Variants in TMEM218 observed in about 807,000 individuals in gnomAD.
TMEM218 encodes the protein transmembrane protein 218.
In TMEM218, 8 loss-of-function variants were observed where a neutral mutation model predicts 10.0. The observed-to-expected ratio is 0.80, with a 90% CI of 0.47 to 1.44. The LOEUF (loss-of-function observed/expected upper bound fraction) is 1.44, where lower values mean the gene tolerates loss of function less well. Ranked by LOEUF, TMEM218 falls within the 40% of genes most tolerant of loss-of-function variation. The probability of loss-of-function intolerance (pLI) is 0.00; values close to 1 mark genes in which losing one functional copy is unlikely to be tolerated. For missense variants in TMEM218, 110 were observed against 140.1 expected, an observed-to-expected ratio of 0.79 and a Z score of 1.08; for synonymous variants, 66 against 63.5, an observed-to-expected ratio of 1.04 and a Z score of -0.18.
At chr11:125,099,593 A>G (rs1950311786) in intron 4 of TMEM218, among the ~76,000 whole-genome samples, 1 of 152,226 alleles carries the variant, frequency 6.6e-6, no homozygotes, top group Non-Finnish European at 1.5e-5. Flanking sequence ...TGCAGCATCC[A>G]GAAATGTGGC....
chr11:125,103,670 G>T (rs1951422369), intron 1 of TMEM218: 2 of 152,272 alleles, frequency 1.3e-5, no homozygotes, highest in Non-Finnish European at 1.5e-5. Context: ...CAAGGTCATG[G>T]TCACAGATTC....
chr11:125,106,544 A>G (rs73012272), intron 1 of TMEM218, among the ~76,000 whole-genome samples: 2 of 152,364 alleles, frequency 1.3e-5, no homozygotes, highest in South Asian at 4.1e-4. Context: ...TAAACACTTG[A>G]GAAAGAGGAT....
rs1949659341 is a variant in TMEM218, at chr11:125,096,427, C to G, written c.*1179G>C. On this transcript the variant is annotated 3_prime_UTR_variant, in exon 5 of 5. Coordinates refer to ENST00000682305, the MANE Select transcript of TMEM218 (RefSeq NM_001258244.2). ...GAGACAAGCCCTGGGGCCTACCACA[C>G]CTGGGTTTGCACACTGGCTGTTAGG... 6.6e-6 allele frequency: 1 copy of G among 152,180 alleles called. No homozygotes were observed. The highest frequency in any genetic ancestry group is 6.5e-5 in the Admixed American group (1 of 15,288). The allele number at this position is 152,180 out of a possible 1,614,324, so 9.4% of individuals were successfully genotyped here.
rs7030 is a variant in TMEM218 at position 125,097,259 on chromosome 11, G to T, written c.*347C>A. 0.29 allele frequency: 50,756 copies of T among 174,314 alleles called. 7,573 individuals are homozygous for T. The highest frequency in any genetic ancestry group is 0.36 in the South Asian group (1,806 of 5,018). 10.8% of individuals were successfully genotyped at this position (174,314 alleles called of 1,614,324 possible). On this transcript the variant is annotated 3_prime_UTR_variant, in exon 5 of 5. Coordinates refer to ENST00000682305, the MANE Select transcript of TMEM218 (RefSeq NM_001258244.2). ...ATTATCAAAAAGAACCAGAAGCCCA[G>T]GTGCTTTTTTCCCCAAAATCCACTT...
intron 1 of TMEM218, among the ~76,000 whole-genome samples, chr11:125,109,251 T>C (rs1591432244): frequency 6.6e-6 from 1 of 152,288 alleles, no homozygotes. Context: ...ATACTACTTG[T>C]ATTTTTAAAA....
At chr11:125,103,630 A>C (rs1179519561) in intron 1 of TMEM218, 2 of 152,168 alleles carry the variant, frequency 1.3e-5, no homozygotes, top group Non-Finnish European at 2.9e-5. Context: ...TGCTTAACTT[A>C]ATTAAATCTG....
intron 4 of TMEM218, among the ~76,000 whole-genome samples, chr11:125,099,004 G>T (rs760575677): frequency 1.3e-5 from 2 of 152,218 alleles, no homozygotes; most frequent in African/African-American, 4.8e-5. Flanking sequence ...CTTGGTTTTA[G>T]CCCAGTGAGA....
chr11:125,096,065 T>C lies in TMEM218; in HGVS notation c.*1541A>G, dbSNP rs1437083359. ...AATCTGCTTAGAGGATGTTTCTTCT[T>C]TTCTTACCTGTGTGCCCTAGGCCAG... is the stretch of plus-strand genomic sequence containing the variant. On this transcript the variant is annotated 3_prime_UTR_variant, in exon 5 of 5. Transcript: ENST00000682305. Among the ~76,000 whole-genome samples the C allele has an allele frequency of 1.3e-5, 2 of 152,228 alleles. No homozygotes were observed. The highest frequency in any genetic ancestry group is 2.9e-5 in the Non-Finnish European group (2 of 68,042).
rs1049743441 is a variant in TMEM218 at position 125,095,824 on chromosome 11, G to C, written c.*1782C>G. ...TTGATCTAATAGTTGAATAACTTTT[G>C]GGGGGAATAAAAAAGATGGATTCAT... On this transcript the variant is annotated 3_prime_UTR_variant, in exon 5 of 5. Coordinates refer to ENST00000682305, the MANE Select transcript of TMEM218 (RefSeq NM_001258244.2). Among the ~76,000 whole-genome samples, 12 of 152,114 alleles carry C rather than the reference G, an allele frequency of 7.9e-5. No individual in the cohort carries two copies. Among genetic ancestry groups the C allele is most frequent in the Non-Finnish European group, 2.9e-5 (2 of 68,024 alleles).
intron 1 of TMEM218, among the ~76,000 whole-genome samples, chr11:125,106,358 G>T (rs1439818373): frequency 6.6e-6 from 1 of 151,778 alleles, no homozygotes; most frequent in African/African-American, 2.4e-5. Flanking sequence ...GTGACAAAAG[G>T]AACCATTCAG....
intron 1 of TMEM218, among the ~76,000 whole-genome samples, chr11:125,107,639 A>G (rs1438322548): frequency 6.6e-6 from 1 of 152,080 alleles, no homozygotes; most frequent in East Asian, 1.9e-4. Context: ...GGAGCTTTCT[A>G]TTACCTCAGT....
intron 4 of TMEM218, among the ~76,000 whole-genome samples, chr11:125,100,146 CAT>C (rs560197179): frequency 1.3e-3 from 199 of 152,338 alleles, no homozygotes; most frequent in African/African-American, 4.6e-3. Context: ...AAAAGTTACA[CAT>C]ATAATCTTGT....
chr11:125,107,577 A>C (rs1370259322), intron 1 of TMEM218, among the ~76,000 whole-genome samples: 4 of 152,126 alleles, frequency 2.6e-5, no homozygotes, highest in Non-Finnish European at 5.9e-5. Flanking sequence ...TTTATGATAA[A>C]GATATATGCA....
intron 1 of TMEM218, among the ~76,000 whole-genome samples, chr11:125,106,080 G>C (rs1252063924): frequency 6.6e-6 from 1 of 151,158 alleles, no homozygotes; most frequent in Non-Finnish European, 1.5e-5. Flanking sequence ...GAGGGAATAG[G>C]GAGATGGTGA....
At chr11:125,105,785 CA>C (rs1951983850) in intron 1 of TMEM218, among the ~76,000 whole-genome samples, 1 of 149,706 alleles carries the variant, frequency 6.7e-6, no homozygotes, top group Non-Finnish European at 1.5e-5. Context: ...ATAAAGAAAA[CA>C]GAAAGTGGGG....
intron 1 of TMEM218, chr11:125,105,189 T>TC (rs1373830991): frequency 2.0e-5 from 3 of 152,128 alleles, no homozygotes; most frequent in African/African-American, 2.4e-5. Context: ...GAAATCTGAA[T>TC]CCCCACCTCA....
intron 3 of TMEM218, 150 bp from the exon 4 acceptor site, chr11:125,101,453 C>T: frequency 6.5e-7 from 1 of 1,530,786 alleles, no homozygotes; most frequent in South Asian, 1.2e-5. Flanking sequence ...CCTCTTCATC[C>T]CAAAGTCCTT....
At position 125,102,739 on chromosome 11, in the gene TMEM218, A is replaced by G. The variant is rs1951109080; in HGVS notation, c.-82T>C. On this transcript the variant is annotated 5_prime_UTR_variant, in exon 2 of 5. Coordinates refer to ENST00000682305, the MANE Select transcript of TMEM218 (RefSeq NM_001258244.2). ...TGGTGTGAGCTGTGACTCACCAGGC[A>G]ATGGATCACAAGACAGAAAGTTCCC... is the stretch of plus-strand genomic sequence containing the variant. The G allele has an allele frequency of 1.6e-6, 2 of 1,282,480 alleles. No individual in the cohort carries two copies. Among genetic ancestry groups the G allele is most frequent in the Non-Finnish European group, 2.0e-6 (2 of 983,850 alleles). The allele number at this position is 1,282,480 out of a possible 1,614,324, so 79.4% of individuals were successfully genotyped here.
intron 1 of TMEM218, among the ~76,000 whole-genome samples, chr11:125,111,109 G>A (rs1402007473): frequency 6.6e-6 from 1 of 152,094 alleles, no homozygotes; most frequent in Non-Finnish European, 1.5e-5. Flanking sequence ...GGTTGGAAGC[G>A]CTGCAGAGCC....
Sources: allele counts gnomAD v4.1 joint callset (sites outside exome capture counted in the v4.1 genomes callset), GRCh38; gene constraint gnomAD v4.1.1; transcripts MANE v1.5; gene names NCBI Gene and HGNC (gene_info 2026-07-23, HGNC 2026-07-21).